Variants in ZSCAN5A observed in about 807,000 individuals in gnomAD.
ZSCAN5A encodes zinc finger and SCAN domain-containing protein 5A.
In ZSCAN5A, 12 loss-of-function variants were observed where a neutral mutation model predicts 23.7. That is an observed-to-expected ratio of 0.51 (90% CI 0.32 to 0.82). The LOEUF (loss-of-function observed/expected upper bound fraction) is 0.82. Ranked by LOEUF, ZSCAN5A falls within the 40% of genes least tolerant of loss-of-function variation. ZSCAN5A has a pLI of 0.03. For synonymous variants in ZSCAN5A, 257 were observed against 239.9 expected, an observed-to-expected ratio of 1.07 and a Z score of -0.66; for missense variants, 597 against 617.9, an observed-to-expected ratio of 0.97 and a Z score of 0.36.
At chr19:56,362,089 C>T (rs1448823039) in intron 2 of ZSCAN5A, among the ~76,000 whole-genome samples, 28 of 146,424 alleles carry the variant, frequency 1.9e-4, no homozygotes, top group Admixed American at 3.5e-4. Flanking sequence ...ACCTGGGAGG[C>T]GGAGCTTGCA....
intron 2 of ZSCAN5A, among the ~76,000 whole-genome samples, chr19:56,249,206 C>T (rs2036171231): frequency 6.6e-6 from 1 of 152,066 alleles, no homozygotes; most frequent in African/African-American, 2.4e-5. Flanking sequence ...AAGGGTGGGC[C>T]CTGATCCCAG....
In ZSCAN5A at chr19:56,356,556, G is replaced by T. The variant is rs947385256; in HGVS notation, c.-358+6679C>A. On this transcript the variant is annotated intron_variant, in intron 2 of 6. Coordinates refer to the ZSCAN5A transcript ENST00000587340. The stretch of plus-strand genomic sequence containing the variant: ...ATCCTTCTCTAACTTCTACTACGGG[G>T]TGGGGACGGGGGCGCTACCTTATAA... Among the ~76,000 whole-genome samples the T allele has an allele frequency of 1.4e-5, 2 of 147,888 alleles. 1 individual carries two copies. Among genetic ancestry groups the T allele is most frequent in the African/African-American group, 5.1e-5 (2 of 39,042 alleles).
intron 2 of ZSCAN5A, among the ~76,000 whole-genome samples, chr19:56,345,370 G>A (rs1366005799): frequency 6.6e-6 from 1 of 152,058 alleles, no homozygotes; most frequent in African/African-American, 2.4e-5. Context: ...TTAGACATGC[G>A]GAAAGAAGTA....
chr19:56,250,074 G>C (rs2036233445), intron 2 of ZSCAN5A, among the ~76,000 whole-genome samples: 2 of 152,188 alleles, frequency 1.3e-5, no homozygotes, highest in East Asian at 1.9e-4. Flanking sequence ...CACAGTAAAA[G>C]AGATGCAGCA....
chr19:56,366,491 T>G (rs914694032), intron 1 of ZSCAN5A, among the ~76,000 whole-genome samples: 6 of 151,660 alleles, frequency 4.0e-5, no homozygotes, highest in Non-Finnish European at 7.4e-5. Context: ...GGGAGGCCAT[T>G]AGGCCGAGGT....
At chr19:56,242,386 C>G (rs2035497660) in intron 2 of ZSCAN5A, among the ~76,000 whole-genome samples, 1 of 152,178 alleles carries the variant, frequency 6.6e-6, no homozygotes, top group South Asian at 2.1e-4. Context: ...TATGTGTTTT[C>G]TTGCTCTGGA....
chr19:56,328,588 C>T (rs915196858), intron 2 of ZSCAN5A, among the ~76,000 whole-genome samples: 1 of 151,368 alleles, frequency 6.6e-6, no homozygotes, highest in African/African-American at 2.4e-5. Flanking sequence ...GAGCTGAAAT[C>T]ACACCATTGC....
At chr19:56,246,394 A>G (rs756572689) in intron 2 of ZSCAN5A, 1 of 561,220 alleles carries the variant, frequency 1.8e-6, no homozygotes, top group Non-Finnish European at 3.3e-6. Context: ...AACCTTGGAG[A>G]AGGATCTGAA....
At chr19:56,306,271 A>G (rs899992522) in intron 2 of ZSCAN5A, among the ~76,000 whole-genome samples, 3 of 152,222 alleles carry the variant, frequency 2.0e-5, no homozygotes, top group Admixed American at 2.0e-4. Flanking sequence ...CGATAGCTGC[A>G]AAGAGGGTCC....
At chr19:56,240,192 A>G (rs890147587) in intron 2 of ZSCAN5A, among the ~76,000 whole-genome samples, 8 of 148,118 alleles carry the variant, frequency 5.4e-5, no homozygotes, top group East Asian at 2.0e-4. Context: ...AAAAAAACCC[A>G]TAAAACCAAA....
Position 56,223,684 on chromosome 19 carries a change from C to T in ZSCAN5A, c.535G>A (p.Ala179Thr). ...GGCAGGATCTGCAGCTCTCGGTGGG[C>T]CTGGCCTTCCCCTGGACGCATCTGG... ...VNQMRPGEGQ[A>T]HRELQILPRV... The change falls in exon 4 of 6, where the codon GCC becomes ACC. Residue 179 changes from alanine (A) to threonine (T), a missense_variant. By Grantham distance (58) the Ala-to-Thr change is moderately conservative. This residue lies in a region of ZSCAN5A where 406 missense variants were observed against 353.2 expected (regional missense o/e 1.15). Transcript: ENST00000683990. 1.9e-6 allele frequency: 3 copies of T among 1,610,866 alleles called. No homozygotes were observed. Among genetic ancestry groups the T allele is most frequent in the Non-Finnish European group, 2.5e-6 (3 of 1,178,410 alleles).
chr19:56,231,276 T>C (rs2034440043), intron 2 of ZSCAN5A, among the ~76,000 whole-genome samples: 1 of 152,214 alleles, frequency 6.6e-6, no homozygotes, highest in Non-Finnish European at 1.5e-5. Context: ...AAGTCACTCA[T>C]ATGTCAAATT....
At chr19:56,255,680 T>C (rs947003975) in intron 2 of ZSCAN5A, among the ~76,000 whole-genome samples, 3 of 151,900 alleles carry the variant, frequency 2.0e-5, no homozygotes, top group Non-Finnish European at 4.4e-5. Context: ...AAACTGATCA[T>C]AATTACACAG....
upstream of ZSCAN5A, chr19:56,317,554 AC>A (rs971099555): frequency 6.6e-6 from 1 of 152,328 alleles, no homozygotes; most frequent in Admixed American, 6.5e-5. Flanking sequence ...ACAGAGGGTC[AC>A]TTGGGTAAAG....
At position 56,222,251 on chromosome 19, in the gene ZSCAN5A, G is replaced by C. The variant is rs2033314011; in HGVS notation, c.815C>G (p.Pro272Arg). The change falls in exon 6 of 6, where the codon CCT becomes CGT. Residue 272 changes from proline to arginine, a missense_variant. Physicochemically the swap from Pro to Arg is moderately radical, Grantham distance 103. Transcript: ENST00000683990. ...TTCTCTCTCCACAACGCAGGCAGAAGGTGTGTCAGCATCCACATTTTCCAC... is the reference window on the plus strand; with the variant it reads ...TTCTCTCTCCACAACGCAGGCAGAACGTGTGTCAGCATCCACATTTTCCAC... Reference protein sequence around the residue: ...ASVENVDADTPSACVVEREAS... With the variant: ...ASVENVDADTRSACVVEREAS... 6 of 1,613,704 alleles carry C rather than the reference G, an allele frequency of 3.7e-6. No homozygotes were observed. In the Admixed American group the frequency reaches 8.3e-5, roughly 22 times the overall value.
At chr19:56,332,533 A>G (rs1375080376) in intron 2 of ZSCAN5A, among the ~76,000 whole-genome samples, 6 of 152,170 alleles carry the variant, frequency 3.9e-5, no homozygotes, top group Admixed American at 3.9e-4. Context: ...TTTTACTTTG[A>G]GCCGTATGGG....
At chr19:56,228,536 G>A (rs2034183986) in intron 2 of ZSCAN5A, 1 of 832,402 alleles carries the variant, frequency 1.2e-6, no homozygotes, top group African/African-American at 1.9e-5. Context: ...AGTATTTGGT[G>A]GCCTCAGAAA....
At chr19:56,322,808 T>C (rs901648447) in intron 2 of ZSCAN5A, among the ~76,000 whole-genome samples, 1 of 152,144 alleles carries the variant, frequency 6.6e-6, no homozygotes, top group Non-Finnish European at 1.5e-5. Context: ...CTAGATTACA[T>C]ATAATACCTA....
rs117904771 is a variant in ZSCAN5A at position 56,304,083 on chromosome 19, A to C, written c.-128+9200T>G. On this transcript the variant is annotated intron_variant, in intron 2 of 5. Coordinates refer to ENST00000683990, the MANE Select transcript of ZSCAN5A (RefSeq NM_001322064.3). Reference sequence around the variant, plus strand: ...AAGATCCCTTCTGAGTTATCAAAGGATCCTTCTCAATGCTGCCTGTGGAGA... The same window carrying C: ...AAGATCCCTTCTGAGTTATCAAAGGCTCCTTCTCAATGCTGCCTGTGGAGA... Among the ~76,000 whole-genome samples the C allele has an allele frequency of 2.6e-3, 390 of 152,258 alleles. 2 individuals are homozygous for C. The highest frequency in any genetic ancestry group is 3.9e-3 in the Non-Finnish European group (264 of 68,012).
Sources: allele counts gnomAD v4.1 joint callset (sites outside exome capture counted in the v4.1 genomes callset), GRCh38; gene constraint gnomAD v4.1.1; regional missense constraint gnomAD v4.1.1; transcripts MANE v1.5; gene names NCBI Gene and HGNC (gene_info 2026-07-23, HGNC 2026-07-21).